BAALC: variants seen among roughly 807,000 people sequenced by gnomAD.
The protein encoded by BAALC is brain and acute leukemia cytoplasmic protein.
BAALC carries 9 observed loss-of-function variants against 15.5 expected under a neutral mutation model. The observed-to-expected ratio is 0.58, with a 90% CI of 0.35 to 1.02. The LOEUF (loss-of-function observed/expected upper bound fraction) is 1.02, where lower values mean the gene tolerates loss of function less well. Ranked by LOEUF, BAALC falls within the 50% of genes least tolerant of loss-of-function variation. The pLI is 0.02. For synonymous variants in BAALC, 80 were observed against 74.6 expected, an observed-to-expected ratio of 1.07 and a Z score of -0.37; for missense variants, 201 against 192.4, an observed-to-expected ratio of 1.04 and a Z score of -0.27.
At chr8:103,156,557 C>T (rs1267977946) in intron 1 of BAALC, among the ~76,000 whole-genome samples, 1 of 152,156 alleles carries the variant, frequency 6.6e-6, no homozygotes, top group East Asian at 1.9e-4. Flanking sequence ...GGTGCAGCTA[C>T]CATGGCCTGA....
chr8:103,141,856 A>G (rs1334933428), intron 1 of BAALC, among the ~76,000 whole-genome samples: 2 of 152,262 alleles, frequency 1.3e-5, no homozygotes, highest in Non-Finnish European at 2.9e-5. Flanking sequence ...TTGTCTGGTC[A>G]GGTCATAAGT....
chr8:103,227,103 T>C (rs972184703), intron 2 of BAALC, among the ~76,000 whole-genome samples: 2 of 152,194 alleles, frequency 1.3e-5, no homozygotes, highest in African/African-American at 4.8e-5. Flanking sequence ...GTATTAAAGA[T>C]TCAACAAAGA....
At chr8:103,183,374 C>A (rs991228912) in intron 1 of BAALC, 4 of 702,994 alleles carry the variant, frequency 5.7e-6, no homozygotes, top group Middle Eastern at 2.3e-4. Flanking sequence ...TAGCCCATTA[C>A]CCTCTTGCCT....
At chr8:103,151,887 T>C (rs770407042) in intron 1 of BAALC, among the ~76,000 whole-genome samples, 3 of 152,150 alleles carry the variant, frequency 2.0e-5, no homozygotes, top group Non-Finnish European at 4.4e-5. Flanking sequence ...TCTGTCCATT[T>C]GAATTCTAAG....
intron 1 of BAALC, among the ~76,000 whole-genome samples, chr8:103,164,745 C>A (rs1811307186): frequency 6.6e-6 from 1 of 152,202 alleles, no homozygotes; most frequent in African/African-American, 2.4e-5. Context: ...CCAAAAGCCA[C>A]CCCTCTGCAA....
rs1220116599 is a variant in BAALC at position 103,183,490 on chromosome 8, G to T, written c.161-29429G>T. 3 of 702,204 alleles carry T rather than the reference G, an allele frequency of 4.3e-6. No individual in the cohort carries two copies. In the Admixed American group the frequency reaches 6.0e-5, roughly 14 times the overall value. 43.5% of individuals were successfully genotyped at this position (702,204 alleles called of 1,614,324 possible). On this transcript the variant is annotated intron_variant, in intron 1 of 2. Transcript: ENST00000309982. Reference sequence around the variant, plus strand: ...TGTACAGGTAAGAGAGGGTATGGGGGGACCAGATCTGGGGAGGTGGGTATG... The same window carrying T: ...TGTACAGGTAAGAGAGGGTATGGGGTGACCAGATCTGGGGAGGTGGGTATG...
intron 1 of BAALC, among the ~76,000 whole-genome samples, chr8:103,163,455 C>T (rs1011975761): frequency 2.6e-5 from 4 of 152,152 alleles, no homozygotes; most frequent in African/African-American, 7.2e-5. Context: ...ACCAAATTAA[C>T]CTCTTGTCCC....
At chr8:103,145,848 C>A (rs1810867727) in intron 1 of BAALC, among the ~76,000 whole-genome samples, 1 of 152,134 alleles carries the variant, frequency 6.6e-6, no homozygotes, top group African/African-American at 2.4e-5. Flanking sequence ...GTATAATTGA[C>A]TTCAGTAACC....
chr8:103,229,602 C>A lies in BAALC; in HGVS notation c.*1503C>A, dbSNP rs1404303436. On this transcript the variant is annotated 3_prime_UTR_variant, in exon 3 of 3. Transcript: ENST00000309982. ...GGTCTGGTTAGTCGTGACTATCTAT[C>A]CTGAATCTAACAGTGACTTCATAAC... is the stretch of plus-strand genomic sequence containing the variant. The A allele has an allele frequency of 6.6e-6, 1 of 152,114 alleles. No individual in the cohort carries two copies. Among genetic ancestry groups the A allele is most frequent in the Non-Finnish European group, 1.5e-5 (1 of 68,022 alleles). The allele number at this position is 152,114 out of a possible 1,614,324, so 9.4% of individuals were successfully genotyped here.
chr8:103,208,201 G>A lies in BAALC; in HGVS notation c.161-4718G>A, dbSNP rs1812371919. 3 of 152,262 alleles carry A rather than the reference G, an allele frequency of 2.0e-5. No homozygotes were observed. The South Asian group carries it at 6.2e-4, about 32-fold the overall frequency. The allele number at this position is 152,262 out of a possible 1,614,324, so 9.4% of individuals were successfully genotyped here. A position where few individuals can be genotyped will look rare whatever the true frequency, so the allele number is the denominator to read the frequency against. On this transcript the variant is annotated intron_variant, in intron 1 of 2. Transcript: ENST00000309982. Reference sequence around the variant, plus strand: ...GCCACCAATAATCAGTGCAATATGTGTGCAGGCATCGTTAGAACCTTTAGA... The same window carrying A: ...GCCACCAATAATCAGTGCAATATGTATGCAGGCATCGTTAGAACCTTTAGA...
In BAALC at chr8:103,211,214, T is replaced by C. The variant is rs1281205192; in HGVS notation, c.161-1705T>C. On this transcript the variant is annotated intron_variant, in intron 1 of 2. Coordinates refer to ENST00000309982, the MANE Select transcript of BAALC (RefSeq NM_024812.3). ...TGCTTCCCCTCAATCTTCTCTAGCC[T>C]CTCATCTACAACTCTTATTAGATCA... Among the ~76,000 whole-genome samples the C allele has an allele frequency of 2.0e-5, 3 of 152,200 alleles. No homozygotes were observed. The South Asian group carries it at 6.2e-4, about 32-fold the overall frequency.
At chr8:103,219,458 A>G (rs1282031882) in intron 2 of BAALC, 1 of 152,296 alleles carries the variant, frequency 6.6e-6, no homozygotes, top group East Asian at 1.9e-4. Context: ...TTGCTTTTCT[A>G]AAGCAGGTTC....
chr8:103,140,988 A>C lies in BAALC; in HGVS notation c.91A>C (p.Thr31Pro). 1 of 1,532,368 alleles carries C rather than the reference A, an allele frequency of 6.5e-7. No homozygotes were observed. 94.9% of individuals were successfully genotyped at this position (1,532,368 alleles called of 1,614,324 possible). A position where few individuals can be genotyped will look rare whatever the true frequency, so the allele number is the denominator to read the frequency against. ...GACAGAATCCACCTGGCTCACCTAC[A>C]CCGACTCGGACGCGCCGCCCAGCGC... ...RETESTWLTY[T>P]DSDAPPSAAA... The change falls in exon 1 of 3, where the codon ACC (threonine) becomes CCC (proline). Residue 31 changes from threonine to proline, a missense_variant. Transcript: ENST00000309982. The surrounding 1 kb of genome is among the most constrained non-coding windows in gnomAD (Gnocchi z 4.2).
intron 1 of BAALC, among the ~76,000 whole-genome samples, chr8:103,194,601 A>C (rs1178039995): frequency 6.6e-6 from 1 of 152,220 alleles, no homozygotes; most frequent in East Asian, 1.9e-4. Context: ...CTCAGCTGTC[A>C]GTTCATTCAT....
At chr8:103,213,170 C>G in intron 2 of BAALC, 85 bp downstream of exon 2, 4 of 1,414,238 alleles carry the variant, frequency 2.8e-6, no homozygotes, top group Middle Eastern at 3.7e-4. Flanking sequence ...GCCGCTATGT[C>G]CAGGGAGGGA....
rs912367537 is a variant in BAALC, at chr8:103,212,936, C to T, written c.178C>T (p.Leu60=). 2.5e-6 allele frequency: 4 copies of T among 1,613,246 alleles called. No individual in the cohort carries two copies. The highest frequency in any genetic ancestry group is 1.7e-5 in the Admixed American group (1 of 59,970). Residue 60 remains leucine (L), a synonymous_variant, in exon 2 of 3, where the codon CTG becomes TTG. Transcript: ENST00000309982. ...TCCCCCAGGCATGCTGGAAGATGGACTGCCCTCCAATGGTGTGCCCCGATC... is the reference window on the plus strand; with the variant it reads ...TCCCCCAGGCATGCTGGAAGATGGATTGCCCTCCAATGGTGTGCCCCGATC... ...GLHSGMLEDG[L]PSNGVPRSTA... is the part of the protein sequence containing the mutation.
chr8:103,193,539 G>T (rs1426927346), intron 1 of BAALC, among the ~76,000 whole-genome samples: 1 of 152,166 alleles, frequency 6.6e-6, no homozygotes, highest in Admixed American at 6.5e-5. Context: ...CTGACCGTGT[G>T]TCAGCTCACC....
At chr8:103,171,394 A>AAGGAAAGG (rs371039587) in intron 1 of BAALC, among the ~76,000 whole-genome samples, 92 of 139,832 alleles carry the variant, frequency 6.6e-4, no homozygotes, top group African/African-American at 2.4e-3. Context: ...GAGAGGAAGG[A>AAGGAAAGG]AGGAAGGAAA....
intron 1 of BAALC, among the ~76,000 whole-genome samples, chr8:103,154,233 G>C (rs968295990): frequency 1.3e-5 from 2 of 152,062 alleles, no homozygotes; most frequent in African/African-American, 4.8e-5. Context: ...TTACAGAAGG[G>C]GGTAGTCAGA....
Sources: allele counts gnomAD v4.1 joint callset (sites outside exome capture counted in the v4.1 genomes callset), GRCh38; gene constraint gnomAD v4.1.1; non-coding constraint Gnocchi (gnomAD v3.1); transcripts MANE v1.5; gene names NCBI Gene and HGNC (gene_info 2026-07-23, HGNC 2026-07-21).